Variants in CIT observed in about 807,000 individuals in gnomAD.
CIT encodes the protein citron rho-interacting serine/threonine kinase, also known as citron Rho-interacting kinase.
In CIT, 79 loss-of-function variants were observed where a neutral mutation model predicts 272.7. That is an observed-to-expected ratio of 0.29 (90% CI 0.24 to 0.35). CIT has a LOEUF of 0.35. CIT is among the 10% of genes least tolerant of loss of function. CIT has a pLI of 1.00. For missense variants in CIT, 1,909 were observed against 2,618.3 expected (o/e 0.73, Z 5.91); for synonymous variants, 948 against 995.6 (o/e 0.95, Z 0.90).
chr12:119,711,365 C>A (rs150894252), intron 37 of CIT, among the ~76,000 whole-genome samples: 22 of 152,300 alleles, frequency 1.4e-4, no homozygotes, highest in African/African-American at 4.3e-4. Flanking sequence ...AGCACACCTA[C>A]GTTTCTAACA....
intron 22 of CIT, among the ~76,000 whole-genome samples, chr12:119,755,389 A>C (rs1020253843): frequency 6.6e-6 from 1 of 152,214 alleles, no homozygotes; most frequent in Non-Finnish European, 1.5e-5. Context: ...CTCCAAGACA[A>C]ATAAAGACAT....
intron 10 of CIT, among the ~76,000 whole-genome samples, chr12:119,797,592 G>A (rs1965840798): frequency 6.6e-6 from 1 of 152,224 alleles, no homozygotes; most frequent in Admixed American, 6.5e-5. Flanking sequence ...GCAGATGCAT[G>A]TCTTCGTGTA....
In CIT at chr12:119,804,180, C is replaced by G. The variant is rs577605532; in HGVS notation, c.1112-791G>C. ...GCTCCTACCTCCTCAGGGCTTCACTCCCGGCTGGGGGCGTGTTACATCCTC... is the reference window on the plus strand; with the variant it reads ...GCTCCTACCTCCTCAGGGCTTCACTGCCGGCTGGGGGCGTGTTACATCCTC... On this transcript the variant is annotated intron_variant, in intron 9 of 47. Coordinates refer to ENST00000392521, the MANE Select transcript of CIT (RefSeq NM_001206999.2). This position sits in a 1 kb window ranked among gnomAD's most constrained non-coding sequence, Gnocchi z 5.3. 1.0e-6 allele frequency: 1 copy of G among 985,526 alleles called. No homozygotes were observed. The highest frequency in any genetic ancestry group is 1.2e-6 in the Non-Finnish European group (1 of 830,040). 61.0% of individuals were successfully genotyped at this position (985,526 alleles called of 1,614,324 possible). A position where few individuals can be genotyped will look rare whatever the true frequency, so the allele number is the denominator to read the frequency against.
chr12:119,688,262 G>A lies in CIT; in HGVS notation c.6187-7C>T. The A allele has an allele frequency of 6.3e-7, 1 of 1,588,226 alleles. No homozygotes were observed. The highest frequency in any genetic ancestry group is 8.5e-7 in the Non-Finnish European group (1 of 1,170,634). On this transcript the variant is annotated splice_polypyrimidine_tract_variant and splice_region_variant and intron_variant, in intron 47 of 47. Transcript: ENST00000392521. ...CTGAAGACTGGTCCCAGACCTAGGA[G>A]TGAAATAAGGAGGAGTGTTAGCCAT...
intron 9 of CIT, among the ~76,000 whole-genome samples, chr12:119,807,438 ATG>A: frequency 6.6e-6 from 1 of 152,170 alleles, no homozygotes; most frequent in East Asian, 1.9e-4. Context: ...CTTATATAAA[ATG>A]TCTCTTTTTT....
intron 28 of CIT, among the ~76,000 whole-genome samples, chr12:119,725,047 T>C (rs1958016259): frequency 6.8e-6 from 1 of 148,060 alleles, no homozygotes; most frequent in Non-Finnish European, 1.5e-5. Flanking sequence ...GGAGCAAGGA[T>C]AAAGGGAATA....
rs367573015 is a variant in CIT at position 119,697,808 on chromosome 12, C to T, written c.5733G>A (p.Pro1911=). The change falls in exon 46 of 48, where the codon CCG becomes CCA. Residue 1911 remains proline (P), a synonymous_variant. Transcript: ENST00000392521. The surrounding 1 kb of genome is among the most constrained non-coding windows in gnomAD (Gnocchi z 4.9). The stretch of plus-strand genomic sequence containing the variant: ...TGGCAGGGCCCAGGTAGCGCGGGTT[C>T]GGGATGTCCAGGTACGCTCGGGCAG... ...GTPARAYLDI[P]NPRYLGPAIS... is the part of the protein sequence containing the mutation. 9.9e-6 allele frequency: 16 copies of T among 1,614,004 alleles called. No individual in the cohort carries two copies. The highest frequency in any genetic ancestry group is 1.6e-4 in the Middle Eastern group (1 of 6,084).
chr12:119,707,929 TA>T (rs1354043401), intron 40 of CIT, among the ~76,000 whole-genome samples: 4 of 152,268 alleles, frequency 2.6e-5, no homozygotes, highest in African/African-American at 9.6e-5. Flanking sequence ...TCAAAAAGAC[TA>T]TGGAATCCTC....
In CIT at chr12:119,857,525, G is replaced by A. The variant is rs879255523; in HGVS notation, c.412C>T (p.Gln138Ter). 10 of 1,613,822 alleles carry A rather than the reference G, an allele frequency of 6.2e-6. No homozygotes were observed. Among genetic ancestry groups the A allele is most frequent in the Non-Finnish European group, 8.5e-6 (10 of 1,179,948 alleles). ...GCATGATGTTAAAATCCTCCTACCTGCTCCTGGGCCAATAAAGCCTTCTTC... is the reference window on the plus strand; with the variant it reads ...GCATGATGTTAAAATCCTCCTACCTACTCCTGGGCCAATAAAGCCTTCTTC... The part of the protein sequence containing the change: ...MKKKALLAQE[Q>*]VSFFEEERNI... Residue 138 changes from glutamine (Q) to a stop codon, truncating the protein, a stop_gained and splice_region_variant, in exon 4 of 48, where the codon CAG becomes TAG. Coordinates refer to ENST00000392521, the MANE Select transcript of CIT (RefSeq NM_001206999.2). LOFTEE classifies it high-confidence loss of function.
In CIT at chr12:119,728,485, A is replaced by G. The variant is rs373968083; in HGVS notation, c.3591+17T>C. 1.6e-5 allele frequency: 25 copies of G among 1,529,428 alleles called. No homozygotes were observed. Among genetic ancestry groups the G allele is most frequent in the Non-Finnish European group, 2.1e-5 (23 of 1,121,774 alleles). The allele number at this position is 1,529,428 out of a possible 1,614,324, so 94.7% of individuals were successfully genotyped here. ...AAAAAATCCACTTGGCCCTTCTCCC[A>G]GGTATTTCACACTCACCTCTTCCAG... On this transcript the variant is annotated intron_variant, in intron 28 of 47. Transcript: ENST00000392521. The surrounding 1 kb of genome is among the most constrained non-coding windows in gnomAD (Gnocchi z 4.3).
intron 27 of CIT, among the ~76,000 whole-genome samples, chr12:119,729,718 G>A (rs940801500): frequency 3.3e-5 from 5 of 152,008 alleles, no homozygotes; most frequent in African/African-American, 4.8e-5. Context: ...CTTTTCTGTG[G>A]TTTCTATATT....
rs1955682751 is a variant in CIT at position 119,688,176 on chromosome 12, T to C, written c.*56A>G. On this transcript the variant is annotated 3_prime_UTR_variant, in exon 48 of 48. Coordinates refer to ENST00000392521, the MANE Select transcript of CIT (RefSeq NM_001206999.2). ...GGTCCCCATCAGCAGAGTTCCATAGTGTGTTTGGTGTTTTCCTGCAGATCA... is the reference window on the plus strand; with the variant it reads ...GGTCCCCATCAGCAGAGTTCCATAGCGTGTTTGGTGTTTTCCTGCAGATCA... 4 of 1,571,374 alleles carry C rather than the reference T, an allele frequency of 2.5e-6. No homozygotes were observed. In the Admixed American group the frequency reaches 6.7e-5, roughly 26 times the overall value.
rs1188199955 is a variant in CIT at position 119,694,678 on chromosome 12, C to T, written c.5882+2981G>A. On this transcript the variant is annotated intron_variant, in intron 46 of 47. Transcript: ENST00000392521. This position sits in a 1 kb window ranked among gnomAD's most constrained non-coding sequence, Gnocchi z 4.5. Reference sequence around the variant, plus strand: ...AATTAGCCAGGTGTGGTGGCGGGCGCCTGTAGTCCCAGCTACTCGGGGGGA... The same window carrying T: ...AATTAGCCAGGTGTGGTGGCGGGCGTCTGTAGTCCCAGCTACTCGGGGGGA... 6.6e-6 allele frequency among the ~76,000 whole-genome samples: 1 copy of T among 151,938 alleles called. No homozygotes were observed. Among genetic ancestry groups the T allele is most frequent in the South Asian group, 2.1e-4 (1 of 4,802 alleles).
At chr12:119,846,647 T>G (rs1969826154) in intron 5 of CIT, among the ~76,000 whole-genome samples, 1 of 152,178 alleles carries the variant, frequency 6.6e-6, no homozygotes, top group Non-Finnish European at 1.5e-5. Flanking sequence ...TTCATGCCTG[T>G]GATCCCAACA....
In CIT at chr12:119,697,720, T is replaced by G. The variant is rs1956309382; in HGVS notation, c.5821A>C (p.Lys1941Gln). ...CCGGACTCCTTCACGAGGTTTCCCT[T>G]GCAGCAAATGACCCTTAATTTATCC... is the stretch of plus-strand genomic sequence containing the variant. ...YQDKLRVICCKGNLVKESGTE... is the reference protein window; with the variant it reads ...YQDKLRVICCQGNLVKESGTE... The change falls in exon 46 of 48, where the codon AAG becomes CAG. Residue 1941 changes from lysine to glutamine, a missense_variant. Around this residue, in one of 8 missense-constraint regions of CIT, gnomAD observed 780 missense variants for 1,067.2 expected, o/e 0.73. Transcript: ENST00000392521. The surrounding 1 kb of genome is among the most constrained non-coding windows in gnomAD (Gnocchi z 4.9). 6.2e-7 allele frequency: 1 copy of G among 1,614,156 alleles called. No homozygotes were observed. The highest frequency in any genetic ancestry group is 2.2e-5 in the East Asian group (1 of 44,884).
In CIT at chr12:119,690,169, C is replaced by G; in HGVS notation, c.6168G>C (p.Pro2056=). 4.7e-6 allele frequency: 7 copies of G among 1,481,936 alleles called. No homozygotes were observed. The highest frequency in any genetic ancestry group is 1.5e-5 in the South Asian group (1 of 68,574). 91.8% of individuals were successfully genotyped at this position (1,481,936 alleles called of 1,614,324 possible). ...GCCTCACCTTGTTCACCTGGGACAG[C>G]GGGGTCCTCACGGCTCCCGCAGGCA... The part of the protein sequence containing the change: ...GRLPAGAVRT[P]LSQVNKVWDQ... Residue 2056 remains proline, a synonymous_variant, in exon 47 of 48, where the codon CCG becomes CCC. Transcript: ENST00000392521. This position sits in a 1 kb window ranked among gnomAD's most constrained non-coding sequence, Gnocchi z 6.0.
At chr12:119,764,350 A>T (rs933740714) in intron 19 of CIT, among the ~76,000 whole-genome samples, 1 of 152,230 alleles carries the variant, frequency 6.6e-6, no homozygotes, top group African/African-American at 2.4e-5. Flanking sequence ...AAATGAATGC[A>T]CAGAACAGAA....
Position 119,690,445 on chromosome 12 carries a change from G to A in CIT, c.5892C>T (p.Asn1964=). Residue 1964 remains asparagine (N), a synonymous_variant, in exon 47 of 48, where the codon AAC becomes AAT. Coordinates refer to ENST00000392521, the MANE Select transcript of CIT (RefSeq NM_001206999.2). This position sits in a 1 kb window ranked among gnomAD's most constrained non-coding sequence, Gnocchi z 6.0. ...RGPSTSRSSP[N]KRGPPTYNEH... is the part of the protein sequence containing the mutation. ...CGTTGTACGTGGGTGGGCCTCGCTTGTTGGGGCTGCTGGCGACACAAGAGG... is the reference window on the plus strand; with the variant it reads ...CGTTGTACGTGGGTGGGCCTCGCTTATTGGGGCTGCTGGCGACACAAGAGG... 6.3e-7 allele frequency: 1 copy of A among 1,587,888 alleles called. No homozygotes were observed. Among genetic ancestry groups the A allele is most frequent in the Non-Finnish European group, 8.5e-7 (1 of 1,174,582 alleles).
At chr12:119,701,227 A>C (rs1035475862) in intron 43 of CIT, among the ~76,000 whole-genome samples, 1 of 20,050 alleles carries the variant, frequency 5.0e-5, no homozygotes, top group Non-Finnish European at 8.0e-5. Context: ...GAGGGGAGGG[A>C]GGGGATGGGG....
Sources: allele counts gnomAD v4.1 joint callset (sites outside exome capture counted in the v4.1 genomes callset), GRCh38; gene constraint gnomAD v4.1.1; regional missense constraint gnomAD v4.1.1; non-coding constraint Gnocchi (gnomAD v3.1); transcripts MANE v1.5; gene names NCBI Gene and HGNC (gene_info 2026-07-23, HGNC 2026-07-21).